ZFHX3: variants seen among roughly 807,000 people sequenced by gnomAD.
ZFHX3 encodes zinc finger homeobox 3.
ZFHX3 carries 42 observed loss-of-function variants against 279.1 expected under a neutral mutation model. The observed-to-expected ratio is 0.15, with a 90% CI of 0.12 to 0.19. The LOEUF (loss-of-function observed/expected upper bound fraction) is 0.19. Ranked by LOEUF, ZFHX3 falls within the 10% of genes least tolerant of loss-of-function variation. ZFHX3 has a pLI of 1.00. For missense variants in ZFHX3, 4,981 were observed against 4,754.0 expected (o/e 1.05, Z -1.40); for synonymous variants, 2,293 against 1,957.8 (o/e 1.17, Z -4.52).
intron 2 of ZFHX3, among the ~76,000 whole-genome samples, chr16:73,656,805 T>C (rs887265835): frequency 2.6e-5 from 4 of 152,244 alleles, no homozygotes. Context: ...CAAGTTCTGA[T>C]TACCCTTTTC....
At chr16:73,136,453 G>A (rs112476422) in intron 6 of ZFHX3, among the ~76,000 whole-genome samples, 62 of 152,114 alleles carry the variant, frequency 4.1e-4, no homozygotes, top group African/African-American at 1.4e-3. Flanking sequence ...AACGGGAGCG[G>A]TGGCTCATGC....
At chr16:73,860,577 C>T (rs17390992) in intron 1 of ZFHX3, among the ~76,000 whole-genome samples, 2,554 of 152,288 alleles carry the variant, frequency 0.017, 27 homozygotes, top group Non-Finnish European at 0.024. Context: ...TTGTCTACTA[C>T]GCCAATTCTC....
chr16:73,391,004 A>G (rs1207001574), intron 3 of ZFHX3, among the ~76,000 whole-genome samples: 1 of 151,890 alleles, frequency 6.6e-6, no homozygotes, highest in East Asian at 1.9e-4. Flanking sequence ...AAACCAGCTA[A>G]TCCCAGAAAT....
chr16:72,917,314 T>C (rs148320252), intron 3 of ZFHX3, among the ~76,000 whole-genome samples: 205 of 152,314 alleles, frequency 1.3e-3, no homozygotes, highest in Middle Eastern at 3.4e-3. Context: ...TTCGAAACTT[T>C]GGAATCTCAA....
chr16:72,797,828 C>T lies in ZFHX3; in HGVS notation c.4854G>A (p.Val1618=), dbSNP rs766047515. 3 of 1,614,152 alleles carry T rather than the reference C, an allele frequency of 1.9e-6. No homozygotes were observed. Among genetic ancestry groups the T allele is most frequent in the Non-Finnish European group, 2.5e-6 (3 of 1,180,048 alleles). Residue 1618 remains valine, a synonymous_variant, in exon 9 of 10, where the codon GTG becomes GTA. Transcript: ENST00000268489. ...CTGCCCGGGCCTTGGTTTGATGTAA[C>T]ACAGACCTCATATGGATCTCCAGAG... ...SSTLEIHMRS[V]LHQTKARAAK...
At chr16:73,664,333 G>C (rs747363037) in intron 2 of ZFHX3, among the ~76,000 whole-genome samples, 2 of 152,084 alleles carry the variant, frequency 1.3e-5, no homozygotes, top group South Asian at 4.1e-4. Context: ...GGAGAAACTG[G>C]GCTTTGACAA....
chr16:73,194,155 C>A (rs1051404000), intron 5 of ZFHX3, among the ~76,000 whole-genome samples: 3 of 152,080 alleles, frequency 2.0e-5, no homozygotes, highest in Middle Eastern at 3.2e-3. Context: ...TTCATAGACC[C>A]CGGTTTAGGA....
intron 3 of ZFHX3, among the ~76,000 whole-genome samples, chr16:73,452,410 C>T (rs1000542387): frequency 6.6e-6 from 1 of 152,216 alleles, no homozygotes; most frequent in African/African-American, 2.4e-5. Flanking sequence ...TTTTTAATCA[C>T]ATTAAAAATA....
chr16:73,679,258 C>A (rs1189887983), intron 2 of ZFHX3, among the ~76,000 whole-genome samples: 1 of 151,996 alleles, frequency 6.6e-6, no homozygotes, highest in Non-Finnish European at 1.5e-5. Flanking sequence ...TACCCAAGTC[C>A]CTGCTCTTTT....
intron 3 of ZFHX3, among the ~76,000 whole-genome samples, chr16:72,938,043 C>T (rs1017570092): frequency 1.3e-5 from 2 of 152,230 alleles, no homozygotes; most frequent in Non-Finnish European, 2.9e-5. Context: ...CAATCCAGGT[C>T]CTCAAGAGGT....
chr16:73,022,014 T>C (rs1212808413), intron 1 of ZFHX3, among the ~76,000 whole-genome samples: 1 of 152,122 alleles, frequency 6.6e-6, no homozygotes, highest in Non-Finnish European at 1.5e-5. Context: ...TTCTTCACTG[T>C]GTCCACCGAA....
chr16:73,882,240 G>C (rs558357059), intron 1 of ZFHX3, among the ~76,000 whole-genome samples: 13 of 152,008 alleles, frequency 8.6e-5, no homozygotes, highest in Middle Eastern at 6.8e-3. Flanking sequence ...CCCGAGACAC[G>C]CAGAAATCCC....
intron 5 of ZFHX3, among the ~76,000 whole-genome samples, chr16:73,146,612 C>A (rs1016774663): frequency 2.0e-5 from 3 of 152,060 alleles, no homozygotes; most frequent in Non-Finnish European, 2.9e-5. Context: ...ACCATATGAA[C>A]ATGGCAGTAC....
At chr16:73,417,157 A>G (rs1192897516) in intron 3 of ZFHX3, among the ~76,000 whole-genome samples, 1 of 151,954 alleles carries the variant, frequency 6.6e-6, no homozygotes, top group East Asian at 1.9e-4. Context: ...TATACATTCT[A>G]TCCAGTCATG....
intron 4 of ZFHX3, among the ~76,000 whole-genome samples, chr16:73,288,728 G>A (rs2014694827): frequency 1.3e-5 from 2 of 152,056 alleles, no homozygotes; most frequent in Non-Finnish European, 2.9e-5. Context: ...CACAAAAGGC[G>A]GCTCCGAGAG....
chr16:73,148,684 C>A (rs188327843), intron 5 of ZFHX3, among the ~76,000 whole-genome samples: 1 of 149,534 alleles, frequency 6.7e-6, no homozygotes, highest in Non-Finnish European at 1.5e-5. Context: ...TGGTGGCTCA[C>A]GTCTATAATC....
At chr16:73,737,489 A>G (rs1220912980) in intron 1 of ZFHX3, among the ~76,000 whole-genome samples, 1 of 152,202 alleles carries the variant, frequency 6.6e-6, no homozygotes, top group Non-Finnish European at 1.5e-5. Context: ...GAAGTTTCTG[A>G]GAAAATGCCC....
In ZFHX3 at chr16:73,217,872, C is replaced by A. The variant is rs139716414; in HGVS notation, c.-1104+39175G>T. On this transcript the variant is annotated intron_variant, in intron 5 of 17. Transcript: ENST00000641206. ...TTTGCACACTTCCCCCTGCTGGTGG[C>A]TTTGTAGTTAACCTAAAAAAAAAAA... 2.1e-3 allele frequency among the ~76,000 whole-genome samples: 313 copies of A among 151,918 alleles called. 1 individual carries two copies. The highest frequency in any genetic ancestry group is 7.4e-3 in the African/African-American group (307 of 41,440).
intron 3 of ZFHX3, among the ~76,000 whole-genome samples, chr16:72,896,212 C>T (rs995729678): frequency 6.6e-6 from 1 of 152,148 alleles, no homozygotes; most frequent in Admixed American, 6.5e-5. Flanking sequence ...AGGGTTCATA[C>T]GAGGGCTCAC....
Sources: gnomAD v4.1 joint callset for allele counts (sites outside exome capture counted in the v4.1 genomes callset) on GRCh38, gnomAD v4.1.1 for gene constraint, MANE v1.5 for transcripts, NCBI Gene and HGNC (gene_info 2026-07-23, HGNC 2026-07-21) for gene names.